CENPV: variants seen among roughly 807,000 people sequenced by gnomAD.
CENPV encodes centromere protein V, also known as nuclear protein p30.
A neutral mutation model predicts 26.4 loss-of-function variants in CENPV; 15 were observed. The observed-to-expected ratio is 0.57, with a 90% CI of 0.38 to 0.88. CENPV has a LOEUF of 0.88. CENPV is among the 40% of genes least tolerant of loss of function. The pLI, the probability that CENPV is intolerant of heterozygous loss-of-function variation, is 0.00. For synonymous variants in CENPV, 172 were observed against 165.5 expected, an observed-to-expected ratio of 1.04 and a Z score of -0.30; for missense variants, 336 against 376.5, an observed-to-expected ratio of 0.89 and a Z score of 0.89.
chr17:16,344,477 C>CT (rs1446788409), intron 4 of CENPV, 120 bp downstream of exon 4: 1 of 484,462 alleles, frequency 2.1e-6, no homozygotes, highest in African/African-American at 2.0e-5. Flanking sequence ...CCCTGTTCCT[C>CT]TAAGATACGC....
At chr17:16,352,305 C>A (rs993289901) in intron 1 of CENPV, among the ~76,000 whole-genome samples, 1 of 152,208 alleles carries the variant, frequency 6.6e-6, no homozygotes, top group Admixed American at 6.5e-5. Flanking sequence ...TTTCCCAAAT[C>A]GCGGACACTC....
Position 16,345,781 on chromosome 17 carries a change from C to T in CENPV, c.580-1070G>A, listed in dbSNP as rs565654539. ...TCAGGGAGGGAAAGTGCTTGCTTCC[C>T]AGGGCCTATGTGGAGAGACAGTTCA... is the stretch of plus-strand genomic sequence containing the variant. On this transcript the variant is annotated intron_variant, in intron 3 of 4. Transcript: ENST00000299736. 3.3e-5 allele frequency among the ~76,000 whole-genome samples: 5 copies of T among 152,212 alleles called. No individual in the cohort carries two copies. In the South Asian group the frequency reaches 1.0e-3, roughly 32 times the overall value.
rs1270075573 is a variant in CENPV at position 16,353,285 on chromosome 17, T to C, written c.152A>G (p.Gln51Arg). ...RSASQAGSKS[Q>R]AVEKPPSEKP... The stretch of plus-strand genomic sequence containing the variant: ...CTCCGACGGCGGCTTCTCCACCGCC[T>C]GGCTCTTGCTCCCGGCCTGGCTAGC... The change falls in exon 1 of 5, where the codon CAG becomes CGG. Residue 51 changes from glutamine to arginine, a missense_variant. Gln to Arg is a conservative substitution (Grantham distance 43). Transcript: ENST00000299736. The C allele has an allele frequency of 7.0e-7, 1 of 1,421,058 alleles. No individual in the cohort carries two copies. Among genetic ancestry groups the C allele is most frequent in the Admixed American group, 2.6e-5 (1 of 38,416 alleles). The allele number at this position is 1,421,058 out of a possible 1,614,324, so 88.0% of individuals were successfully genotyped here. A position where few individuals can be genotyped will look rare whatever the true frequency, so the allele number is the denominator to read the frequency against.
chr17:16,343,942 G>A (rs891796881), intron 4 of CENPV, among the ~76,000 whole-genome samples: 4 of 152,068 alleles, frequency 2.6e-5, no homozygotes, highest in African/African-American at 9.7e-5. Context: ...AACTGTCAGA[G>A]GGTTAGTTTT....
chr17:16,351,678 T>C (rs1285196141), intron 1 of CENPV: 1 of 152,250 alleles, frequency 6.6e-6, no homozygotes, highest in Non-Finnish European at 1.5e-5. Context: ...TATAATTTAG[T>C]AGACTTTATA....
At chr17:16,349,809 TCAA>T (rs1314034642) in intron 2 of CENPV, 119 bp downstream of exon 2, 1 of 1,475,876 alleles carries the variant, frequency 6.8e-7, no homozygotes, top group Admixed American at 2.6e-5. Context: ...TCACCTGACT[TCAA>T]CAGTTACCAG....
At position 16,342,697 on chromosome 17, in the gene CENPV, T is replaced by C; in HGVS notation, c.*120A>G. The C allele has an allele frequency of 3.4e-6, 4 of 1,164,942 alleles. No homozygotes were observed. In the South Asian group the frequency reaches 4.1e-5, roughly 12 times the overall value. The allele number at this position is 1,164,942 out of a possible 1,614,324, so 72.2% of individuals were successfully genotyped here. On this transcript the variant is annotated 3_prime_UTR_variant, in exon 5 of 5. Coordinates refer to ENST00000299736, the MANE Select transcript of CENPV (RefSeq NM_181716.3). ...CAAACTGCAGAGATCAAGATGACCCTAGTCAACGGAACCAGCAGCCCAGGT... is the reference window on the plus strand; with the variant it reads ...CAAACTGCAGAGATCAAGATGACCCCAGTCAACGGAACCAGCAGCCCAGGT...
At chr17:16,351,647 C>G (rs970621711) in intron 1 of CENPV, 1 of 152,102 alleles carries the variant, frequency 6.6e-6, no homozygotes, top group African/African-American at 2.4e-5. Context: ...GAAAATGGTA[C>G]AGTTATACAC....
intron 1 of CENPV, chr17:16,350,786 A>G (rs980137185): frequency 6.6e-6 from 1 of 152,348 alleles, no homozygotes; most frequent in African/African-American, 2.4e-5. Flanking sequence ...ACAGGCTGCT[A>G]TGAAAAATAA....
chr17:16,344,793 C>CTCTGTCTCAATAAAT, intron 3 of CENPV, 82 bp from the exon 4 acceptor site: 1 of 776,840 alleles, frequency 1.3e-6, no homozygotes, highest in Non-Finnish European at 1.9e-6. Flanking sequence ...TTTATTGAGA[C>CTCTGTCTCAATAAAT]AGAGTCTCCC....
rs943034127 is a variant in CENPV at position 16,342,845 on chromosome 17, T to C, written c.791A>G (p.Lys264Arg). The C allele has an allele frequency of 3.1e-6, 5 of 1,614,022 alleles. No individual in the cohort carries two copies. Among genetic ancestry groups the C allele is most frequent in the Non-Finnish European group, 4.2e-6 (5 of 1,180,036 alleles). The change falls in exon 5 of 5, where the codon AAG becomes AGG. Residue 264 changes from lysine to arginine, a missense_variant. By Grantham distance (26) the Lys-to-Arg change is conservative. Coordinates refer to ENST00000299736, the MANE Select transcript of CENPV (RefSeq NM_181716.3). Reference protein sequence around the residue: ...SDWEKAMKEHKTIKNMSKE With the variant: ...SDWEKAMKEHRTIKNMSKE ...CTCTTTAGACATGTTCTTGATGGTC[T>C]TGTGCTCTTTCATGGCCTTCTCCCA...
At chr17:16,351,627 A>G (rs1000255906) in intron 1 of CENPV, 4 of 152,212 alleles carry the variant, frequency 2.6e-5, no homozygotes, top group African/African-American at 9.6e-5. Flanking sequence ...TTTCTACACA[A>G]TATTTTAACG....
chr17:16,352,987 G>A (rs1568871097), intron 1 of CENPV, 40 bp downstream of exon 1: 2 of 1,510,736 alleles, frequency 1.3e-6, no homozygotes, highest in Non-Finnish European at 1.8e-6. Context: ...GGGGGTCCGC[G>A]TGGCAACGGC....
chr17:16,342,652 A>G lies in CENPV; in HGVS notation c.*165T>C. ...GCAGAGGGAGGACAAAGAGCTGCCT[A>G]AAGAAACTGGTAGCTGGAGCAAACT... On this transcript the variant is annotated 3_prime_UTR_variant, in exon 5 of 5. Transcript: ENST00000299736. 5.7e-6 allele frequency: 4 copies of G among 707,618 alleles called. No homozygotes were observed. Among genetic ancestry groups the G allele is most frequent in the Non-Finnish European group, 9.3e-6 (4 of 430,554 alleles). The allele number at this position is 707,618 out of a possible 1,614,324, so 43.8% of individuals were successfully genotyped here.
chr17:16,348,460 C>G, intron 3 of CENPV, 156 bp downstream of exon 3: 1 of 1,475,294 alleles, frequency 6.8e-7, no homozygotes, highest in Non-Finnish European at 9.0e-7. Context: ...CCGGGCCCAC[C>G]TTTTAAATGT....
rs552409533 is a variant in CENPV at position 16,348,470 on chromosome 17, T to C, written c.579+146A>G. The stretch of plus-strand genomic sequence containing the variant: ...CTGTGCCGGGCCCACCTTTTAAATG[T>C]CAACCTGAAACCAAAGCCCGTGAGA... On this transcript the variant is annotated intron_variant, in intron 3 of 4. Transcript: ENST00000299736. The C allele has an allele frequency of 3.6e-3, 5,420 of 1,490,084 alleles. 22 individuals are homozygous for C. The highest frequency in any genetic ancestry group is 6.7e-3 in the South Asian group (516 of 76,666). The allele number at this position is 1,490,084 out of a possible 1,614,324, so 92.3% of individuals were successfully genotyped here. A position where few individuals can be genotyped will look rare whatever the true frequency, so the allele number is the denominator to read the frequency against.
At chr17:16,343,666 G>A (rs147970397) in intron 4 of CENPV, among the ~76,000 whole-genome samples, 1 of 152,246 alleles carries the variant, frequency 6.6e-6, no homozygotes, top group African/African-American at 2.4e-5. Context: ...TTCCTGTTCT[G>A]CAAGGTAGAC....
chr17:16,352,829 T>C (rs1189289403), intron 1 of CENPV, among the ~76,000 whole-genome samples, 198 bp downstream of exon 1: 1 of 151,534 alleles, frequency 6.6e-6, no homozygotes, highest in African/African-American at 2.4e-5. Flanking sequence ...CACACAGCCC[T>C]AGAAGCACCG....
rs1600912155 is a variant in CENPV, at chr17:16,353,269, C to A, written c.168G>T (p.Pro56=). The A allele has an allele frequency of 7.0e-7, 1 of 1,418,642 alleles. No homozygotes were observed. Among genetic ancestry groups the A allele is most frequent in the South Asian group, 1.4e-5 (1 of 69,668 alleles). The allele number at this position is 1,418,642 out of a possible 1,614,324, so 87.9% of individuals were successfully genotyped here. The stretch of plus-strand genomic sequence containing the variant: ...GCCTCAGCCGCGGCTTCTCCGACGG[C>A]GGCTTCTCCACCGCCTGGCTCTTGC... The part of the protein sequence containing the change: ...AGSKSQAVEK[P]PSEKPRLRRS... The change falls in exon 1 of 5, where the codon CCG becomes CCT. Residue 56 remains proline, a synonymous_variant. Coordinates refer to ENST00000299736, the MANE Select transcript of CENPV (RefSeq NM_181716.3).
Sources: allele counts gnomAD v4.1 joint callset (sites outside exome capture counted in the v4.1 genomes callset), GRCh38; gene constraint gnomAD v4.1.1; transcripts MANE v1.5; gene names NCBI Gene and HGNC (gene_info 2026-07-23, HGNC 2026-07-21).